Variants in NTN1 observed in about 807,000 individuals in gnomAD.
The protein encoded by NTN1 is netrin-1.
A neutral mutation model predicts 54.2 loss-of-function variants in NTN1; 11 were observed. The observed-to-expected ratio is 0.20, with a 90% CI of 0.13 to 0.34. The LOEUF is 0.34. Among genes scored for constraint, NTN1 ranks in the 10% least tolerant of loss-of-function variants. NTN1 has a pLI of 1.00. For synonymous variants in NTN1, 371 were observed against 382.0 expected (o/e 0.97, Z 0.33); for missense variants, 740 against 893.1 (o/e 0.83, Z 2.18).
At chr17:9,168,331 G>A (rs11657948) in intron 3 of NTN1, among the ~76,000 whole-genome samples, 9,563 of 152,290 alleles carry the variant, frequency 0.063, 407 homozygotes, top group Middle Eastern at 0.11. Flanking sequence ...TCAGGAGTTT[G>A]AGACTAGCCT....
intron 6 of NTN1, among the ~76,000 whole-genome samples, chr17:9,226,163 G>GGGGGT (rs1481503080): frequency 2.1e-5 from 3 of 142,264 alleles, no homozygotes; most frequent in South Asian, 2.5e-4. Context: ...ATTTGGGGTC[G>GGGGGT]GGGGGGGGCC....
At chr17:9,080,282 C>T (rs2092066398) in intron 2 of NTN1, among the ~76,000 whole-genome samples, 1 of 152,242 alleles carries the variant, frequency 6.6e-6, no homozygotes, top group African/African-American at 2.4e-5. Flanking sequence ...ATTCTCTCCT[C>T]ATTGCTGCTC....
At chr17:9,177,609 G>C (rs1321484922) in intron 3 of NTN1, 1 of 152,246 alleles carries the variant, frequency 6.6e-6, no homozygotes, top group East Asian at 1.9e-4. Flanking sequence ...TGATGCTCAC[G>C]CTTGCATCAG....
In NTN1 at chr17:9,035,887, T is replaced by C. The variant is rs954627205; in HGVS notation, c.1018+12496T>C. Reference sequence around the variant, plus strand: ...AAATACAAAAATTAGCCGGGTATGGTGGTGCACGCCTGTAATCCTAGCTAC... The same window carrying C: ...AAATACAAAAATTAGCCGGGTATGGCGGTGCACGCCTGTAATCCTAGCTAC... On this transcript the variant is annotated intron_variant, in intron 2 of 6. Transcript: ENST00000173229. 2.6e-5 allele frequency among the ~76,000 whole-genome samples: 4 copies of C among 152,236 alleles called. No individual in the cohort carries two copies. In the East Asian group the frequency reaches 5.8e-4, roughly 22 times the overall value.
At chr17:9,095,902 C>T (rs947910193) in intron 2 of NTN1, among the ~76,000 whole-genome samples, 2 of 151,898 alleles carry the variant, frequency 1.3e-5, no homozygotes, top group Non-Finnish European at 2.9e-5. Context: ...CGGGTTCAAG[C>T]GATTCTCCTG....
At chr17:9,062,264 T>G (rs2092001240) in intron 2 of NTN1, among the ~76,000 whole-genome samples, 1 of 152,244 alleles carries the variant, frequency 6.6e-6, no homozygotes, top group Non-Finnish European at 1.5e-5. Context: ...ATAAAAGGTT[T>G]TTATTCCCCT....
At chr17:9,191,478 C>G (rs1227163618) in intron 5 of NTN1, among the ~76,000 whole-genome samples, 3 of 152,140 alleles carry the variant, frequency 2.0e-5, no homozygotes, top group Non-Finnish European at 4.4e-5. Context: ...AAGTGGAAAA[C>G]TTCTGTATCT....
intron 2 of NTN1, among the ~76,000 whole-genome samples, chr17:9,106,336 A>C (rs1471538863): frequency 6.6e-6 from 1 of 152,224 alleles, no homozygotes; most frequent in African/African-American, 2.4e-5. Flanking sequence ...ATTATCAACC[A>C]AAGATGGTTG....
chr17:9,220,427 C>A (rs564209664), intron 5 of NTN1, among the ~76,000 whole-genome samples: 1 of 152,270 alleles, frequency 6.6e-6, no homozygotes, highest in African/African-American at 2.4e-5. Context: ...CGATGGCTGG[C>A]AGGGAAAAGC....
At chr17:9,226,063 C>T (rs1187021464) in intron 6 of NTN1, among the ~76,000 whole-genome samples, 4 of 151,668 alleles carry the variant, frequency 2.6e-5, no homozygotes, top group African/African-American at 9.7e-5. Context: ...CTCGGGGCGC[C>T]GGCCCTGTCC....
intron 2 of NTN1, among the ~76,000 whole-genome samples, chr17:9,075,222 T>C (rs1422336134): frequency 6.6e-6 from 1 of 152,220 alleles, no homozygotes; most frequent in Non-Finnish European, 1.5e-5. Flanking sequence ...GGCTCACGCC[T>C]GTAATCCCAG....
intron 2 of NTN1, among the ~76,000 whole-genome samples, chr17:9,122,734 C>T (rs1209825885): frequency 3.9e-5 from 6 of 152,164 alleles, no homozygotes; most frequent in South Asian, 2.1e-4. Context: ...GCCAGAGTGA[C>T]GATGTTAATA....
intron 6 of NTN1, among the ~76,000 whole-genome samples, chr17:9,224,119 C>T (rs1905456104): frequency 6.6e-6 from 1 of 152,198 alleles, no homozygotes; most frequent in South Asian, 2.1e-4. Flanking sequence ...CTGTGTTCCA[C>T]TGGATTCTAT....
rs183163409 is a variant in NTN1 at position 9,039,095 on chromosome 17, C to T, written c.1018+15704C>T. ...ACTTGGATCTGTTCTCTGGATTTTT[C>T]CATTTTGTTTCACAAATCTGTTTTC... is the stretch of plus-strand genomic sequence containing the variant. On this transcript the variant is annotated intron_variant, in intron 2 of 6. Coordinates refer to ENST00000173229, the MANE Select transcript of NTN1 (RefSeq NM_004822.3). 2.2e-3 allele frequency among the ~76,000 whole-genome samples: 338 copies of T among 152,234 alleles called. 1 individual carries two copies. The highest frequency in any genetic ancestry group is 7.8e-3 in the African/African-American group (325 of 41,540).
intron 2 of NTN1, among the ~76,000 whole-genome samples, chr17:9,105,633 C>A (rs1277934941): frequency 6.6e-6 from 1 of 152,032 alleles, no homozygotes; most frequent in Non-Finnish European, 1.5e-5. Flanking sequence ...TGTTTGGTTC[C>A]TTGAGATCTG....
In NTN1 at chr17:9,212,382, C is replaced by T. The variant is rs113063243; in HGVS notation, c.1412-8786C>T. 1.3e-5 allele frequency among the ~76,000 whole-genome samples: 2 copies of T among 152,218 alleles called. No individual in the cohort carries two copies. The highest frequency in any genetic ancestry group is 3.8e-4 in the East Asian group (2 of 5,200). ...ATGGCCCTTATGAAACCCACGGATG[C>T]CTGCGGCACCTTGAAAACCGAACAC... On this transcript the variant is annotated intron_variant, in intron 5 of 6. Transcript: ENST00000173229. The surrounding 1 kb of genome is among the most constrained non-coding windows in gnomAD (Gnocchi z 5.5).
chr17:9,072,839 T>C (rs1002252821), intron 2 of NTN1, among the ~76,000 whole-genome samples: 10 of 152,232 alleles, frequency 6.6e-5, no homozygotes, highest in African/African-American at 2.4e-4. Context: ...GGCAGAGGCC[T>C]CTCCTAGTCG....
In NTN1 at chr17:9,083,747, A is replaced by C. The variant is rs527597076; in HGVS notation, c.1018+60356A>C. Among the ~76,000 whole-genome samples, 3 of 152,354 alleles carry C rather than the reference A, an allele frequency of 2.0e-5. No individual in the cohort carries two copies. The East Asian group carries it at 5.8e-4, about 29-fold the overall frequency. The stretch of plus-strand genomic sequence containing the variant: ...GGACATAGAAGGACAGGTAGAAGAC[A>C]CTAAGTCCTGGATCACATCCCTGAA... On this transcript the variant is annotated intron_variant, in intron 2 of 6. Transcript: ENST00000173229.
chr17:9,237,148 G>T (rs533417954), intron 6 of NTN1, among the ~76,000 whole-genome samples: 3 of 152,262 alleles, frequency 2.0e-5, no homozygotes, highest in African/African-American at 7.2e-5. Flanking sequence ...ACCACAGACC[G>T]AGTGGCTGAA....
Sources: allele counts gnomAD v4.1 joint callset (sites outside exome capture counted in the v4.1 genomes callset), GRCh38; gene constraint gnomAD v4.1.1; non-coding constraint Gnocchi (gnomAD v3.1); transcripts MANE v1.5; gene names NCBI Gene and HGNC (gene_info 2026-07-23, HGNC 2026-07-21).